The following OR2A12 variants were observed in gnomAD, a reference collection of about 807,000 sequenced individuals.
OR2A12 encodes the protein olfactory receptor 2A12.
For synonymous variants in OR2A12, 153 were observed against 149.3 expected (o/e 1.02, Z -0.18); for missense variants, 380 against 372.5 (o/e 1.02, Z -0.17).
At chr7:144,091,385 C>T (rs567630397) in intron 1 of OR2A12, among the ~76,000 whole-genome samples, 141 of 152,110 alleles carry the variant, frequency 9.3e-4, no homozygotes, top group African/African-American at 3.3e-3. Context: ...AACAAGACTC[C>T]GTGTCTAAAT....
chr7:144,091,420 G>A (rs1040931079), intron 1 of OR2A12, among the ~76,000 whole-genome samples: 1 of 152,032 alleles, frequency 6.6e-6, no homozygotes, highest in Non-Finnish European at 1.5e-5. Flanking sequence ...GAAAGAAAAA[G>A]AAAAGAAATC....
At chr7:144,087,533 T>G (rs2051195948) in intron 1 of OR2A12, among the ~76,000 whole-genome samples, 1 of 152,184 alleles carries the variant, frequency 6.6e-6, no homozygotes, top group Non-Finnish European at 1.5e-5. Flanking sequence ...AAAAATAACT[T>G]CTCTGATTCA....
chr7:144,086,794 A>G (rs1389978435), intron 1 of OR2A12, among the ~76,000 whole-genome samples: 4 of 152,282 alleles, frequency 2.6e-5, no homozygotes, highest in South Asian at 4.1e-4. Flanking sequence ...TGTATTAATC[A>G]TTATTTATAC....
intron 1 of OR2A12, among the ~76,000 whole-genome samples, chr7:144,091,330 G>T (rs1295989316): frequency 6.6e-6 from 1 of 152,252 alleles, no homozygotes; most frequent in Non-Finnish European, 1.5e-5. Flanking sequence ...GGCGGAGGTT[G>T]CAGTGAGCCA....
Position 144,095,651 on chromosome 7 carries a change from T to A in OR2A12, c.544T>A (p.Ser182Thr). The A allele has an allele frequency of 1.9e-6, 3 of 1,614,122 alleles. No homozygotes were observed. The highest frequency in any genetic ancestry group is 2.5e-6 in the Non-Finnish European group (3 of 1,180,018). ...KINHFFCQIMSVFKLACADTR... is the reference protein window; with the variant it reads ...KINHFFCQIMTVFKLACADTR... Reference sequence around the variant, plus strand: ...CAACCACTTTTTCTGTCAAATCATGTCCGTATTCAAATTGGCCTGTGCTGA... The same window carrying A: ...CAACCACTTTTTCTGTCAAATCATGACCGTATTCAAATTGGCCTGTGCTGA... The change falls in exon 2 of 2, where the codon TCC (serine) becomes ACC (threonine). Residue 182 changes from serine (S) to threonine (T), a missense_variant. Transcript: ENST00000641592.
At position 144,097,118 on chromosome 7, in the gene OR2A12, C is replaced by T. The variant is rs2051270754; in HGVS notation, c.*1078C>T. On this transcript the variant is annotated 3_prime_UTR_variant, in exon 2 of 2. Transcript: ENST00000641592. ...ACAAACTGTAATTACATACAAATGACATTACTGTATATGTAGGAAATTCAA... is the reference window on the plus strand; with the variant it reads ...ACAAACTGTAATTACATACAAATGATATTACTGTATATGTAGGAAATTCAA... 6.6e-6 allele frequency: 1 copy of T among 151,918 alleles called. No homozygotes were observed. The highest frequency in any genetic ancestry group is 2.1e-4 in the South Asian group (1 of 4,824). 9.4% of individuals were successfully genotyped at this position (151,918 alleles called of 1,614,324 possible).
At chr7:144,087,817 T>C (rs2051197784) in intron 1 of OR2A12, among the ~76,000 whole-genome samples, 2 of 152,234 alleles carry the variant, frequency 1.3e-5, no homozygotes, top group African/African-American at 4.8e-5. Flanking sequence ...CTAGCTTGTA[T>C]TCTGGAGAGT....
intron 1 of OR2A12, among the ~76,000 whole-genome samples, chr7:144,086,900 A>G (rs1221366148): frequency 1.3e-5 from 2 of 152,202 alleles, no homozygotes; most frequent in African/African-American, 4.8e-5. Flanking sequence ...GAACACCTTC[A>G]CGGAGACCCC....
At position 144,095,968 on chromosome 7, in the gene OR2A12, C is replaced by T; in HGVS notation, c.861C>T (p.Leu287=). 4 of 1,614,056 alleles carry T rather than the reference C, an allele frequency of 2.5e-6. No individual in the cohort carries two copies. Among genetic ancestry groups the T allele is most frequent in the Non-Finnish European group, 3.4e-6 (4 of 1,179,958 alleles). The stretch of plus-strand genomic sequence containing the variant: ...TTTTCAACCCGATCCTGAACCCCCT[C>T]ATCTACAGCCTTAGGAATGCAGAGG... ...YSLFNPILNP[L]IYSLRNAEVK... The change falls in exon 2 of 2, where the codon CTC becomes CTT. Residue 287 remains leucine (L), a synonymous_variant. Transcript: ENST00000641592.
At position 144,095,283 on chromosome 7, in the gene OR2A12, A is replaced by G; in HGVS notation, c.176A>G (p.Tyr59Cys). The G allele has an allele frequency of 6.2e-7, 1 of 1,613,994 alleles. No homozygotes were observed. Among genetic ancestry groups the G allele is most frequent in the Non-Finnish European group, 8.5e-7 (1 of 1,179,964 alleles). Residue 59 changes from tyrosine (Y) to cysteine (C), a missense_variant, in exon 2 of 2, where the codon TAT becomes TGT. By Grantham distance (194) the Tyr-to-Cys change is radical (BLOSUM62 -2). Transcript: ENST00000641592. ...GACTCTAGACTGCACACACCCATGT[A>G]TGTCTTCCTGTCACACCTGGCCATT... ...YLDSRLHTPM[Y>C]VFLSHLAIVD...
At chr7:144,090,075 G>A (rs778162738) in intron 1 of OR2A12, among the ~76,000 whole-genome samples, 41 of 152,056 alleles carry the variant, frequency 2.7e-4, no homozygotes, top group Non-Finnish European at 5.6e-4. Context: ...ATAAAATTGT[G>A]GAATGACAGC....
At chr7:144,091,917 T>G (rs1041822077) in intron 1 of OR2A12, among the ~76,000 whole-genome samples, 25 of 152,170 alleles carry the variant, frequency 1.6e-4, no homozygotes, top group Non-Finnish European at 2.9e-5. Context: ...ATCATGAAAT[T>G]TCTGTCCATT....
intron 1 of OR2A12, among the ~76,000 whole-genome samples, chr7:144,092,019 G>T (rs1253314719): frequency 6.6e-6 from 1 of 152,064 alleles, no homozygotes; most frequent in Non-Finnish European, 1.5e-5. Context: ...ATCGTGAGTT[G>T]ATCTTTGCAT....
chr7:144,096,147 T>C lies in OR2A12; in HGVS notation c.*107T>C. The C allele has an allele frequency of 1.2e-6, 1 of 839,892 alleles. No homozygotes were observed. Among genetic ancestry groups the C allele is most frequent in the Non-Finnish European group, 1.9e-6 (1 of 531,190 alleles). 52.0% of individuals were successfully genotyped at this position (839,892 alleles called of 1,614,324 possible). The stretch of plus-strand genomic sequence containing the variant: ...TTACCACACCCAATACTGTTTATCT[T>C]TAGACTTCTTATAAAAAGAGAAACT... On this transcript the variant is annotated 3_prime_UTR_variant, in exon 2 of 2. Coordinates refer to ENST00000641592, the MANE Select transcript of OR2A12 (RefSeq NM_001004135.2).
rs913999700 is a variant in OR2A12 at position 144,095,671 on chromosome 7, T to C, written c.564T>C (p.Cys188=). 28 of 1,614,038 alleles carry C rather than the reference T, an allele frequency of 1.7e-5. No individual in the cohort carries two copies. Among genetic ancestry groups the C allele is most frequent in the African/African-American group, 2.7e-5 (2 of 74,908 alleles). ...CQIMSVFKLA[C]ADTRLNQVVL... is the part of the protein sequence containing the mutation. ...TCATGTCCGTATTCAAATTGGCCTG[T>C]GCTGACACTAGGCTCAACCAGGTGG... The change falls in exon 2 of 2, where the codon TGT becomes TGC. Residue 188 remains cysteine (C), a synonymous_variant. Coordinates refer to ENST00000641592, the MANE Select transcript of OR2A12 (RefSeq NM_001004135.2).
chr7:144,087,672 A>T (rs1050619757), intron 1 of OR2A12, among the ~76,000 whole-genome samples: 3 of 152,222 alleles, frequency 2.0e-5, no homozygotes, highest in Admixed American at 6.5e-5. Flanking sequence ...GAAGTTTTTT[A>T]AAATAATGTG....
At chr7:144,090,985 A>G (rs188277089) in intron 1 of OR2A12, among the ~76,000 whole-genome samples, 15 of 152,362 alleles carry the variant, frequency 9.8e-5, no homozygotes, top group Admixed American at 9.2e-4. Flanking sequence ...ATAGTGCTGC[A>G]GTAAATGTAC....
chr7:144,087,598 T>C (rs1460293603), intron 1 of OR2A12, among the ~76,000 whole-genome samples: 1 of 152,242 alleles, frequency 6.6e-6, no homozygotes, highest in African/African-American at 2.4e-5. Context: ...ATAAACACAA[T>C]TGAATGCATT....
Position 144,095,087 on chromosome 7 carries a change from A to T in OR2A12, c.-21A>T. On this transcript the variant is annotated 5_prime_UTR_variant, in exon 2 of 2. It adds an upstream start codon to the 5' untranslated region. Coordinates refer to ENST00000641592, the MANE Select transcript of OR2A12 (RefSeq NM_001004135.2). ...AAATTTCTGTCTTAAGTACATCACAAGATTTTTCTGTCACGAGAACATGGA... is the reference window on the plus strand; with the variant it reads ...AAATTTCTGTCTTAAGTACATCACATGATTTTTCTGTCACGAGAACATGGA... 6.5e-7 allele frequency: 1 copy of T among 1,545,296 alleles called. No individual in the cohort carries two copies. Among genetic ancestry groups the T allele is most frequent in the Non-Finnish European group, 8.8e-7 (1 of 1,139,586 alleles).
Sources: allele counts gnomAD v4.1 joint callset (sites outside exome capture counted in the v4.1 genomes callset), GRCh38; gene constraint gnomAD v4.1.1; transcripts MANE v1.5; gene names NCBI Gene and HGNC (gene_info 2026-07-23, HGNC 2026-07-21).